Variants in CALN1 observed in about 807,000 individuals in gnomAD.
CALN1 encodes the protein calneuron 1, also known as calcium-binding protein 8.
Under a neutral mutation model 30.6 loss-of-function variants are expected in CALN1, and 17 were observed. That is an observed-to-expected ratio of 0.56 (90% CI 0.38 to 0.83). CALN1 has a LOEUF of 0.83. CALN1 is among the 40% of genes least tolerant of loss of function. The pLI is 0.00. For synonymous variants in CALN1, 156 were observed against 131.4 expected (o/e 1.19, Z -1.28); for missense variants, 291 against 354.9 (o/e 0.82, Z 1.45).
At chr7:71,864,211 A>G (rs1191427793) in intron 5 of CALN1, among the ~76,000 whole-genome samples, 2 of 152,190 alleles carry the variant, frequency 1.3e-5, no homozygotes, top group Non-Finnish European at 2.9e-5. Flanking sequence ...ACAGTCTTTT[A>G]TAACCTCCTT....
At chr7:72,294,727 G>A (rs1051586047) in intron 2 of CALN1, among the ~76,000 whole-genome samples, 3 of 143,006 alleles carry the variant, frequency 2.1e-5, no homozygotes, top group South Asian at 2.2e-4. Flanking sequence ...CAGCTGGGAC[G>A]ACAAAGACTG....
intron 4 of CALN1, among the ~76,000 whole-genome samples, chr7:72,049,085 C>T (rs761173344): frequency 3.3e-5 from 5 of 151,938 alleles, no homozygotes; most frequent in Non-Finnish European, 5.9e-5. Context: ...CTGGGATTAT[C>T]GGTGTGAGCC....
At chr7:72,370,267 T>C (rs897756458) in intron 2 of CALN1, among the ~76,000 whole-genome samples, 1 of 152,234 alleles carries the variant, frequency 6.6e-6, no homozygotes, top group African/African-American at 2.4e-5. Flanking sequence ...ATATCTTTTT[T>C]GCTGTATATA....
chr7:72,337,116 G>A lies in CALN1; in HGVS notation c.120-58306C>T, dbSNP rs987800426. 4 of 985,786 alleles carry A rather than the reference G, an allele frequency of 4.1e-6. No individual in the cohort carries two copies. The African/African-American group carries it at 7.0e-5, about 17-fold the overall frequency. 61.1% of individuals were successfully genotyped at this position (985,786 alleles called of 1,614,324 possible). ...TGCGCGGCTGCCTCGCTGCGCCCCG[G>A]AGCCCAGTGGCCGAGGCCCCGCTGG... is the stretch of plus-strand genomic sequence containing the variant. On this transcript the variant is annotated intron_variant, in intron 2 of 6. Coordinates refer to ENST00000395275, the MANE Select transcript of CALN1 (RefSeq NM_031468.4).
chr7:72,045,458 A>T (rs551335894), intron 4 of CALN1, among the ~76,000 whole-genome samples: 35 of 152,290 alleles, frequency 2.3e-4, no homozygotes, highest in African/African-American at 7.7e-4. Context: ...CATGGGAAGA[A>T]GTTTCAGCAC....
chr7:72,092,713 C>T (rs1805956353), intron 4 of CALN1, among the ~76,000 whole-genome samples: 1 of 150,860 alleles, frequency 6.6e-6, no homozygotes, highest in African/African-American at 2.4e-5. Flanking sequence ...TACTTTGTTC[C>T]CTTCTGGGCA....
rs1181580052 is a variant in CALN1, at chr7:71,961,354, C to G, written c.501+62303G>C. Among the ~76,000 whole-genome samples, 7 of 152,292 alleles carry G rather than the reference C, an allele frequency of 4.6e-5. No homozygotes were observed. The South Asian group carries it at 1.0e-3, about 23-fold the overall frequency. ...TATTTACATCCTAATAGAAATTTCC[C>G]TACCAAATGTATTTATACATAAAAC... On this transcript the variant is annotated intron_variant, in intron 5 of 6. Coordinates refer to ENST00000395275, the MANE Select transcript of CALN1 (RefSeq NM_031468.4).
intron 3 of CALN1, among the ~76,000 whole-genome samples, chr7:72,258,669 C>G (rs1265642540): frequency 6.6e-6 from 1 of 152,112 alleles, no homozygotes; most frequent in African/African-American, 2.4e-5. Flanking sequence ...CCTGTAATCT[C>G]AGCACTCTGA....
At chr7:72,500,429 C>CCTCCCGAGTAGCTGGG in the CALN1 span, among the ~76,000 whole-genome samples, 3 of 151,430 alleles carry the variant, frequency 2.0e-5, no homozygotes, top group Non-Finnish European at 4.4e-5. Context: ...TGTAGGCATG[C>CCTCCCGAGTAGCTGGG]ACCACCACAC....
chr7:72,294,692 T>G (rs986274739), intron 2 of CALN1, among the ~76,000 whole-genome samples: 2 of 151,696 alleles, frequency 1.3e-5, no homozygotes, highest in African/African-American at 4.9e-5. Flanking sequence ...AAGGCTGCAG[T>G]GAGCATAATG....
At chr7:72,219,143 C>T (rs1793075672) in intron 3 of CALN1, among the ~76,000 whole-genome samples, 1 of 152,176 alleles carries the variant, frequency 6.6e-6, no homozygotes, top group Non-Finnish European at 1.5e-5. Context: ...TCTAGTGACC[C>T]TAAGATCTGA....
intron 3 of CALN1, among the ~76,000 whole-genome samples, chr7:72,129,810 A>G (rs1408311924): frequency 6.6e-6 from 1 of 152,214 alleles, no homozygotes; most frequent in African/African-American, 2.4e-5. Flanking sequence ...TAAATAAACT[A>G]TGATACACCC....
At chr7:72,014,024 A>C (rs1024435429) in intron 5 of CALN1, among the ~76,000 whole-genome samples, 5 of 151,984 alleles carry the variant, frequency 3.3e-5, no homozygotes, top group African/African-American at 1.2e-4. Context: ...ACATTTCTAC[A>C]AAGAAATTGT....
At chr7:71,806,727 C>CT (rs149333610) in intron 6 of CALN1, among the ~76,000 whole-genome samples, 1 of 152,124 alleles carries the variant, frequency 6.6e-6, no homozygotes, top group Non-Finnish European at 1.5e-5. Context: ...AGGACCCCCC[C>CT]CCAGGGAGCT....
chr7:72,146,374 T>A (rs559429622), intron 3 of CALN1, among the ~76,000 whole-genome samples: 45 of 152,132 alleles, frequency 3.0e-4, no homozygotes, highest in African/African-American at 1.1e-3. Flanking sequence ...CACAATTGCT[T>A]CAAAGAGAAT....
intron 5 of CALN1, among the ~76,000 whole-genome samples, chr7:71,827,414 C>A (rs555417788): frequency 6.6e-6 from 1 of 152,226 alleles, no homozygotes; most frequent in East Asian, 1.9e-4. Flanking sequence ...CTACATGATG[C>A]CTATTTTACA....
chr7:72,179,000 G>C (rs1300328164), intron 3 of CALN1, among the ~76,000 whole-genome samples: 1 of 152,100 alleles, frequency 6.6e-6, no homozygotes, highest in African/African-American at 2.4e-5. Flanking sequence ...TTTGTAACAT[G>C]CGAGATATTA....
chr7:72,348,709 T>C (rs1802772578), intron 2 of CALN1, among the ~76,000 whole-genome samples: 1 of 152,240 alleles, frequency 6.6e-6, no homozygotes, highest in Non-Finnish European at 1.5e-5. Context: ...TGCCCCTTCC[T>C]GGTAGCAGGA....
At chr7:72,208,984 ACTTCCTTC>A (rs141505967) in intron 3 of CALN1, among the ~76,000 whole-genome samples, 1 of 134,518 alleles carries the variant, frequency 7.4e-6, no homozygotes, top group African/African-American at 2.7e-5. Context: ...TCCTTTTCCT[ACTTCCTTC>A]CTTCCTTCCC....
Sources: gnomAD v4.1 joint callset for allele counts (sites outside exome capture counted in the v4.1 genomes callset) on GRCh38, gnomAD v4.1.1 for gene constraint, MANE v1.5 for transcripts, NCBI Gene and HGNC (gene_info 2026-07-23, HGNC 2026-07-21) for gene names.